The following VTA1 variants were observed in gnomAD, a reference collection of about 807,000 sequenced individuals.
The protein encoded by VTA1 is vacuolar protein sorting-associated protein VTA1 homolog.
VTA1 carries 24 observed loss-of-function variants against 36.9 expected under a neutral mutation model. That is an observed-to-expected ratio of 0.65 (90% CI 0.47 to 0.91). VTA1 has a LOEUF of 0.91. VTA1 is among the 40% of genes least tolerant of loss of function. The pLI, the probability that VTA1 is intolerant of heterozygous loss-of-function variation, is 0.00. For missense variants in VTA1, 393 were observed against 377.2 expected, an observed-to-expected ratio of 1.04 and a Z score of -0.35; for synonymous variants, 142 against 130.2, an observed-to-expected ratio of 1.09 and a Z score of -0.62.
In VTA1 at chr6:142,166,257, A is replaced by C; in HGVS notation, c.142A>C (p.Lys48Gln). 6.2e-7 allele frequency: 1 copy of C among 1,612,230 alleles called. No homozygotes were observed. Among genetic ancestry groups the C allele is most frequent in the Non-Finnish European group, 8.5e-7 (1 of 1,178,964 alleles). The change falls in exon 2 of 8, where the codon AAG becomes CAG. Residue 48 changes from lysine (K) to glutamine (Q), a missense_variant. Coordinates refer to ENST00000367630, the MANE Select transcript of VTA1 (RefSeq NM_016485.5). ...CRLYAMQTGMKIDSKTPECRK... is the reference protein window; with the variant it reads ...CRLYAMQTGMQIDSKTPECRK... ...TTTATACGCAATGCAGACTGGAATG[A>C]AGATCGATAGTAAAACTCCTGAATG...
Position 142,198,572 on chromosome 6 carries a change from A to G in VTA1, c.654A>G (p.Ala218=), listed in dbSNP as rs1345889005. 6.2e-7 allele frequency: 1 copy of G among 1,613,668 alleles called. No individual in the cohort carries two copies. The highest frequency in any genetic ancestry group is 8.5e-7 in the Non-Finnish European group (1 of 1,179,784). Residue 218 remains alanine, a synonymous_variant, in exon 6 of 8, where the codon GCA becomes GCG. Transcript: ENST00000367630. ...CTGGAATACAGATTCCTCCGGGTGC[A>G]CACGCTCCAGCTAATACACCAGCAG... is the stretch of plus-strand genomic sequence containing the variant. ...NYTGIQIPPG[A]HAPANTPAEV...
Position 142,169,634 on chromosome 6 carries a change from T to C in VTA1, c.292T>C (p.Phe98Leu). The C allele has an allele frequency of 6.2e-7, 1 of 1,609,578 alleles. No homozygotes were observed. Among genetic ancestry groups the C allele is most frequent in the Non-Finnish European group, 8.5e-7 (1 of 1,178,888 alleles). ...AHLENYALKM[F>L]LYADNEDRAG... ...TTTGGAGAATTATGCTTTGAAAATG[T>C]TTTTGTATGCAGACAATGAAGATCG... The change falls in exon 3 of 8, where the codon TTT becomes CTT. Residue 98 changes from phenylalanine to leucine, a missense_variant. By Grantham distance (22) the Phe-to-Leu change is conservative. Transcript: ENST00000367630.
intron 7 of VTA1, among the ~76,000 whole-genome samples, chr6:142,215,098 A>G (rs1331748244): frequency 6.6e-6 from 1 of 152,164 alleles, no homozygotes; most frequent in Non-Finnish European, 1.5e-5. Flanking sequence ...TTACTTTTAC[A>G]TCTCTGAATA....
At position 142,189,439 on chromosome 6, in the gene VTA1, G is replaced by A; in HGVS notation, c.425G>A (p.Arg142Lys). 2 of 1,613,606 alleles carry A rather than the reference G, an allele frequency of 1.2e-6. No individual in the cohort carries two copies. The highest frequency in any genetic ancestry group is 1.7e-6 in the Non-Finnish European group (2 of 1,179,722). Residue 142 changes from arginine to lysine, a missense_variant, in exon 5 of 8, where the codon AGG becomes AAG. By Grantham distance (26) the Arg-to-Lys change is conservative. Coordinates refer to ENST00000367630, the MANE Select transcript of VTA1 (RefSeq NM_016485.5). Reference protein sequence around the residue: ...GELTDENVKHRKYARWKATYI... With the variant: ...GELTDENVKHKKYARWKATYI... ...GCTCTCTTTTAGAATGTGAAACACA[G>A]GAAGTATGCCAGATGGAAGGCAACA...
chr6:142,192,101 TG>T (rs1273892911), intron 5 of VTA1, among the ~76,000 whole-genome samples: 1 of 152,090 alleles, frequency 6.6e-6, no homozygotes, highest in East Asian at 1.9e-4. Flanking sequence ...CTGTGACATT[TG>T]AATAGATATT....
intron 5 of VTA1, among the ~76,000 whole-genome samples, chr6:142,198,117 A>G (rs368992626): frequency 0.057 from 4,446 of 78,156 alleles, 138 homozygotes; most frequent in African/African-American, 0.099. Flanking sequence ...ATATATATAT[A>G]TATGTGTGTG....
chr6:142,188,681 A>C (rs1205052170), intron 4 of VTA1, among the ~76,000 whole-genome samples: 1 of 152,228 alleles, frequency 6.6e-6, no homozygotes, highest in Non-Finnish European at 1.5e-5. Flanking sequence ...CGATGCCACT[A>C]TAAAGGTCAG....
chr6:142,169,368 A>G (rs1187597221), intron 2 of VTA1, among the ~76,000 whole-genome samples, 182 bp from the exon 3 acceptor site: 2 of 152,114 alleles, frequency 1.3e-5, no homozygotes, highest in Non-Finnish European at 2.9e-5. Flanking sequence ...TAAGCATTGG[A>G]TTTTGTTTTA....
At position 142,218,794 on chromosome 6, in the gene VTA1, C is replaced by T. The variant is rs1776050444; in HGVS notation, c.*151C>T. 4.7e-6 allele frequency: 4 copies of T among 856,982 alleles called. No individual in the cohort carries two copies. Among genetic ancestry groups the T allele is most frequent in the Non-Finnish European group, 6.7e-6 (4 of 598,964 alleles). The allele number at this position is 856,982 out of a possible 1,614,324, so 53.1% of individuals were successfully genotyped here. A position where few individuals can be genotyped will look rare whatever the true frequency, so the allele number is the denominator to read the frequency against. ...TGTGTGTATCAGATTTTTATTGAAG[C>T]ATTCATCAGCAGCCTCAACCAGTTT... On this transcript the variant is annotated 3_prime_UTR_variant, in exon 8 of 8. Coordinates refer to ENST00000367630, the MANE Select transcript of VTA1 (RefSeq NM_016485.5).
At chr6:142,201,076 C>G (rs568709687) in intron 6 of VTA1, among the ~76,000 whole-genome samples, 1 of 151,972 alleles carries the variant, frequency 6.6e-6, no homozygotes, top group South Asian at 2.1e-4. Context: ...GTTCCTTCCT[C>G]TAAGGAACTA....
In VTA1 at chr6:142,218,708, C is replaced by T. The variant is rs1776048903; in HGVS notation, c.*65C>T. The stretch of plus-strand genomic sequence containing the variant: ...AACTAACAGTCCATTACTCTATCTT[C>T]AGCCTATCAGGATCACAGTTTTAAG... On this transcript the variant is annotated 3_prime_UTR_variant, in exon 8 of 8. Transcript: ENST00000367630. The T allele has an allele frequency of 2.0e-6, 3 of 1,497,882 alleles. No individual in the cohort carries two copies. Among genetic ancestry groups the T allele is most frequent in the Admixed American group, 2.5e-5 (1 of 40,666 alleles). 92.8% of individuals were successfully genotyped at this position (1,497,882 alleles called of 1,614,324 possible).
At chr6:142,215,760 C>T (rs1775994092) in intron 7 of VTA1, among the ~76,000 whole-genome samples, 1 of 152,210 alleles carries the variant, frequency 6.6e-6, no homozygotes, top group Non-Finnish European at 1.5e-5. Context: ...GTTCTATCCT[C>T]TCTTATGACA....
intron 5 of VTA1, among the ~76,000 whole-genome samples, chr6:142,197,400 A>G (rs1463727889): frequency 6.6e-6 from 1 of 152,216 alleles, no homozygotes; most frequent in African/African-American, 2.4e-5. Context: ...ATGAGTCTGT[A>G]GCTCTAGCTT....
At chr6:142,168,433 A>T (rs1211833784) in intron 2 of VTA1, among the ~76,000 whole-genome samples, 3 of 152,014 alleles carry the variant, frequency 2.0e-5, no homozygotes, top group African/African-American at 7.2e-5. Context: ...TTAATTTTTT[A>T]CTTTATAACA....
chr6:142,216,710 A>G (rs1354177178), intron 7 of VTA1, among the ~76,000 whole-genome samples: 1 of 152,214 alleles, frequency 6.6e-6, no homozygotes, highest in Non-Finnish European at 1.5e-5. Context: ...TAAAACAAAA[A>G]TAGTAACAGA....
intron 7 of VTA1, among the ~76,000 whole-genome samples, chr6:142,204,360 T>C (rs192284909): frequency 6.6e-6 from 1 of 152,316 alleles, no homozygotes; most frequent in Admixed American, 6.5e-5. Flanking sequence ...CATGGAAGCC[T>C]ATGCTAGATT....
intron 1 of VTA1, among the ~76,000 whole-genome samples, chr6:142,160,356 A>G (rs1021613794): frequency 2.6e-5 from 4 of 152,084 alleles, no homozygotes; most frequent in Non-Finnish European, 2.9e-5. Context: ...GGAACATTCA[A>G]CTTATTGAAC....
chr6:142,159,825 A>G lies in VTA1; in HGVS notation c.113-6403A>G, dbSNP rs201199169. On this transcript the variant is annotated intron_variant, in intron 1 of 7. Transcript: ENST00000367630. Reference sequence around the variant, plus strand: ...ACCGTGCCCGGCCGATATATATTTTACCTCTAGAAGTTTCATTTGGATTCG... The same window carrying G: ...ACCGTGCCCGGCCGATATATATTTTGCCTCTAGAAGTTTCATTTGGATTCG... 1.3e-4 allele frequency among the ~76,000 whole-genome samples: 20 copies of G among 151,640 alleles called. No individual in the cohort carries two copies. The East Asian group carries it at 3.3e-3, about 25-fold the overall frequency.
chr6:142,148,934 G>A (rs538195559), intron 1 of VTA1, among the ~76,000 whole-genome samples: 4 of 152,244 alleles, frequency 2.6e-5, no homozygotes, highest in South Asian at 2.1e-4. Context: ...GGGAGTGATG[G>A]GATAAGGTCA....
Sources: allele counts gnomAD v4.1 joint callset (sites outside exome capture counted in the v4.1 genomes callset), GRCh38; gene constraint gnomAD v4.1.1; transcripts MANE v1.5; gene names NCBI Gene and HGNC (gene_info 2026-07-23, HGNC 2026-07-21).